SEL1L2: variants seen among roughly 807,000 people sequenced by gnomAD.
SEL1L2 encodes protein sel-1 homolog 2.
In SEL1L2, 89 loss-of-function variants were observed where a neutral mutation model predicts 98.8. The ratio of observed to expected loss-of-function variants is 0.90; its 90% confidence interval spans 0.76 to 1.07. The LOEUF (loss-of-function observed/expected upper bound fraction) is 1.07. Among genes scored for constraint, SEL1L2 ranks in the 50% least tolerant of loss-of-function variants. SEL1L2 has a pLI of 0.00. For missense variants in SEL1L2, 788 were observed against 812.0 expected, an observed-to-expected ratio of 0.97 and a Z score of 0.36; for synonymous variants, 262 against 278.5, an observed-to-expected ratio of 0.94 and a Z score of 0.59.
In SEL1L2 at chr20:13,913,928, CA is replaced by C; in HGVS notation, c.402del (p.Phe134LeufsTer10). 6.4e-7 allele frequency: 1 copy of C among 1,559,010 alleles called. No individual in the cohort carries two copies. Among genetic ancestry groups the C allele is most frequent in the East Asian group, 2.4e-5 (1 of 41,688 alleles). Reference protein sequence around the residue: ...QKQKEEAYLLFAKAADMGNLK... With the variant: ...QKQKEEAYLLXAKAADMGNLK... ...AAGTTTCCCATGTCAGCTGCTTTGGCAAAAAGTAGGTAGGCTCTGTTTCAAG... is the reference window on the plus strand; with the variant it reads ...AAGTTTCCCATGTCAGCTGCTTTGGCAAAAGTAGGTAGGCTCTGTTTCAAG... On this transcript the variant is annotated frameshift_variant, in exon 5 of 20. Coordinates refer to ENST00000284951, the MANE Select transcript of SEL1L2 (RefSeq NM_025229.2). LOFTEE classifies it high-confidence loss of function.
At chr20:13,864,177 A>G (rs1990626167) in intron 17 of SEL1L2, among the ~76,000 whole-genome samples, 1 of 152,048 alleles carries the variant, frequency 6.6e-6, no homozygotes, top group Admixed American at 6.6e-5. Context: ...TCTTCATTGC[A>G]TTTTATAAAA....
At chr20:13,985,847 G>A (rs1436894233) in intron 1 of SEL1L2, among the ~76,000 whole-genome samples, 2 of 152,110 alleles carry the variant, frequency 1.3e-5, no homozygotes, top group African/African-American at 4.8e-5. Context: ...ACCAGTAACC[G>A]ACTTTCAGTC....
chr20:13,887,725 C>T (rs188875677), intron 8 of SEL1L2, 44 bp downstream of exon 8: 27 of 1,262,158 alleles, frequency 2.1e-5, no homozygotes, highest in Non-Finnish European at 2.9e-5. Context: ...TTTCTAATTC[C>T]TTGGCAACTG....
chr20:13,850,430 A>G (rs1334219654), intron 18 of SEL1L2, 111 bp from the exon 19 acceptor site: 1 of 1,118,008 alleles, frequency 8.9e-7, no homozygotes, highest in Non-Finnish European at 1.3e-6. Flanking sequence ...AGATAGGGAG[A>G]TTATCATGGA....
chr20:13,850,393 C>T (rs968093590), intron 18 of SEL1L2, 74 bp from the exon 19 acceptor site: 10 of 1,518,800 alleles, frequency 6.6e-6, no homozygotes, highest in Non-Finnish European at 9.1e-6. Context: ...TTCACAATAT[C>T]AAATGTAATT....
intron 12 of SEL1L2, among the ~76,000 whole-genome samples, chr20:13,872,604 A>T (rs539459633): frequency 6.6e-6 from 1 of 152,160 alleles, no homozygotes; most frequent in South Asian, 2.1e-4. Flanking sequence ...GGACTAATAC[A>T]GAAGGGAAGG....
At chr20:13,870,250 A>G (rs774371820) in intron 12 of SEL1L2, 47 bp from the exon 13 acceptor site, 4 of 1,461,558 alleles carry the variant, frequency 2.7e-6, no homozygotes, top group Non-Finnish European at 1.9e-6. Flanking sequence ...AGAATTCATG[A>G]TAAGGAAAAT....
rs190789937 is a variant in SEL1L2, at chr20:13,953,461, G to A, written c.114+2615C>T. ...CAGGAAGCAGTTAAGATCGGTCTTC[G>A]TCCTTATCCTTATCCTTATTTTAAC... On this transcript the variant is annotated intron_variant, in intron 2 of 19. Coordinates refer to ENST00000284951, the MANE Select transcript of SEL1L2 (RefSeq NM_025229.2). 2.8e-3 allele frequency among the ~76,000 whole-genome samples: 424 copies of A among 152,174 alleles called. 1 individual carries two copies. The highest frequency in any genetic ancestry group is 3.9e-3 in the Non-Finnish European group (264 of 68,022).
rs373304948 is a variant in SEL1L2 at position 13,869,490 on chromosome 20, T to C, written c.1255+13A>G. On this transcript the variant is annotated intron_variant, in intron 14 of 19. Transcript: ENST00000284951. The stretch of plus-strand genomic sequence containing the variant: ...GTCATTCTAAATAAAGCAGCTGTAT[T>C]TGTGGCACTTACAGTAGTACATGAA... 68 of 1,591,736 alleles carry C rather than the reference T, an allele frequency of 4.3e-5. No individual in the cohort carries two copies. The highest frequency in any genetic ancestry group is 5.7e-5 in the Non-Finnish European group (66 of 1,159,626).
intron 2 of SEL1L2, among the ~76,000 whole-genome samples, chr20:13,938,308 T>C (rs547564313): frequency 6.6e-6 from 1 of 152,196 alleles, no homozygotes; most frequent in African/African-American, 2.4e-5. Flanking sequence ...CTCGAACCCC[T>C]GACCTTGTGA....
chr20:13,978,933 C>T (rs952465603), intron 1 of SEL1L2, among the ~76,000 whole-genome samples: 1 of 152,034 alleles, frequency 6.6e-6, no homozygotes, highest in Non-Finnish European at 1.5e-5. Context: ...ATCGTGCACG[C>T]CTGTAATTTC....
chr20:13,893,076 C>T (rs926651008), intron 5 of SEL1L2, among the ~76,000 whole-genome samples: 1 of 152,196 alleles, frequency 6.6e-6, no homozygotes, highest in African/African-American at 2.4e-5. Flanking sequence ...TGGTGCCTCC[C>T]AACTGAACAC....
intron 8 of SEL1L2, among the ~76,000 whole-genome samples, 184 bp from the exon 9 acceptor site, chr20:13,886,626 G>T (rs1568899959): frequency 6.6e-6 from 1 of 152,178 alleles, no homozygotes; most frequent in Non-Finnish European, 1.5e-5. Flanking sequence ...GGTTGCTCAT[G>T]TCTGTAATCC....
chr20:13,980,604 T>C (rs1328313716), intron 1 of SEL1L2, among the ~76,000 whole-genome samples: 1 of 152,172 alleles, frequency 6.6e-6, no homozygotes, highest in Non-Finnish European at 1.5e-5. Flanking sequence ...AAGAAAAGAA[T>C]TGGCATATGA....
At chr20:13,875,322 C>T (rs997405533) in intron 12 of SEL1L2, among the ~76,000 whole-genome samples, 17 of 152,300 alleles carry the variant, frequency 1.1e-4, no homozygotes, top group South Asian at 6.2e-4. Flanking sequence ...CCAGGCTGGT[C>T]TCAAACTCCT....
intron 10 of SEL1L2, among the ~76,000 whole-genome samples, chr20:13,880,116 T>A (rs1417679570): frequency 1.3e-5 from 2 of 152,248 alleles, no homozygotes; most frequent in African/African-American, 4.8e-5. Context: ...TGTATGAATG[T>A]CTATCCATCT....
At chr20:13,969,603 C>T (rs1017429972) in intron 1 of SEL1L2, among the ~76,000 whole-genome samples, 6 of 152,174 alleles carry the variant, frequency 3.9e-5, no homozygotes, top group Non-Finnish European at 8.8e-5. Flanking sequence ...TTTCCCACTA[C>T]ACCCTGCTCT....
chr20:13,969,936 G>A (rs1001393715), intron 1 of SEL1L2, among the ~76,000 whole-genome samples: 31 of 151,748 alleles, frequency 2.0e-4, no homozygotes, highest in African/African-American at 7.3e-4. Flanking sequence ...TCAGGAAGTG[G>A]TACTCCCTTG....
At chr20:13,886,850 T>A (rs1442110982) in intron 8 of SEL1L2, among the ~76,000 whole-genome samples, 1 of 151,738 alleles carries the variant, frequency 6.6e-6, no homozygotes, top group Admixed American at 6.6e-5. Flanking sequence ...ATTGAGCCAC[T>A]GTGCTCCAAC....
Sources: gnomAD v4.1 joint callset for allele counts (sites outside exome capture counted in the v4.1 genomes callset) on GRCh38, gnomAD v4.1.1 for gene constraint, MANE v1.5 for transcripts, NCBI Gene and HGNC (gene_info 2026-07-23, HGNC 2026-07-21) for gene names.